CCSER2: variants seen among roughly 807,000 people sequenced by gnomAD.
The protein encoded by CCSER2 is coiled-coil serine rich protein 2, also known as serine-rich coiled-coil domain-containing protein 2.
Under a neutral mutation model 92.3 loss-of-function variants are expected in CCSER2, and 46 were observed. The ratio of observed to expected loss-of-function variants is 0.50; its 90% CI spans 0.39 to 0.64. CCSER2 has a LOEUF of 0.64. Among genes scored for constraint, CCSER2 ranks in the 30% least tolerant of loss-of-function variants. The pLI, the probability that CCSER2 is intolerant of heterozygous loss-of-function variation, is 0.00. For missense variants in CCSER2, 1,244 were observed against 1,238.9 expected, an observed-to-expected ratio of 1.00 and a Z score of -0.06; for synonymous variants, 433 against 431.4, an observed-to-expected ratio of 1.00 and a Z score of -0.04.
Position 84,379,607 on chromosome 10 carries a change from TTAG to T in CCSER2, c.1614+5794_1614+5796del, listed in dbSNP as rs1374174631. On this transcript the variant is annotated intron_variant, in intron 3 of 9. Transcript: ENST00000372088. ...AACACCCTAGTAGTAAATATAGCAG[TTAG>T]TTCTTTTTATGTGCGTTGTTTTAAA... Among the ~76,000 whole-genome samples, 6 of 40,024 alleles carry T rather than the reference TTAG, an allele frequency of 1.5e-4. No homozygotes were observed. The East Asian group carries it at 3.2e-3, about 21-fold the overall frequency. The allele number at this position is 40,024 out of a possible 152,430, so 26.3% of individuals were successfully genotyped here. A position where few individuals can be genotyped will look rare whatever the true frequency, so the allele number is the denominator to read the frequency against.
chr10:84,497,955 A>G (rs1475968324), intron 9 of CCSER2, among the ~76,000 whole-genome samples: 1 of 152,244 alleles, frequency 6.6e-6, no homozygotes, highest in Non-Finnish European at 1.5e-5. Flanking sequence ...CAGCCTCTGC[A>G]TCTGACAAAT....
At chr10:84,409,906 C>T (rs1290730371) in intron 3 of CCSER2, among the ~76,000 whole-genome samples, 3 of 152,080 alleles carry the variant, frequency 2.0e-5, no homozygotes, top group African/African-American at 7.2e-5. Context: ...CTGATCCAAT[C>T]CCTCCTCCCA....
intron 5 of CCSER2, among the ~76,000 whole-genome samples, chr10:84,436,149 A>C (rs937709978): frequency 1.3e-5 from 2 of 149,226 alleles, no homozygotes; most frequent in Non-Finnish European, 3.0e-5. Flanking sequence ...GAATGGTGAA[A>C]CCCCCGTCTC....
intron 9 of CCSER2, among the ~76,000 whole-genome samples, chr10:84,487,486 ATTTT>A (rs1847879849): frequency 6.6e-6 from 1 of 151,970 alleles, no homozygotes; most frequent in Non-Finnish European, 1.5e-5. Flanking sequence ...ATTCCTATGT[ATTTT>A]ATTCTCTTTG....
chr10:84,333,758 C>A (rs1843694274), intron 1 of CCSER2, among the ~76,000 whole-genome samples: 1 of 152,176 alleles, frequency 6.6e-6, no homozygotes, highest in Non-Finnish European at 1.5e-5. Context: ...GAATTAGTAA[C>A]TGATACACAA....
intron 6 of CCSER2, among the ~76,000 whole-genome samples, chr10:84,455,021 T>G (rs887248123): frequency 3.3e-5 from 5 of 152,196 alleles, no homozygotes; most frequent in Admixed American, 6.5e-5. Flanking sequence ...GATGGTTTTA[T>G]GAGGGGCAGT....
chr10:84,457,395 TTAAA>T (rs1185666667), intron 6 of CCSER2, among the ~76,000 whole-genome samples: 1 of 92,910 alleles, frequency 1.1e-5, no homozygotes, highest in Non-Finnish European at 1.9e-5. Flanking sequence ...ATATATTTAT[TTAAA>T]TATATATTTT....
At chr10:84,510,427 A>G (rs775796272) in intron 9 of CCSER2, among the ~76,000 whole-genome samples, 5 of 152,078 alleles carry the variant, frequency 3.3e-5, no homozygotes, top group Non-Finnish European at 5.9e-5. Context: ...TGTCTCCCTC[A>G]CTAAGCTCCT....
intron 9 of CCSER2, among the ~76,000 whole-genome samples, chr10:84,481,155 A>G (rs1418368954): frequency 6.6e-6 from 1 of 152,092 alleles, no homozygotes; most frequent in African/African-American, 2.4e-5. Context: ...TCCCTCCACA[A>G]ACGAGGAAAT....
intron 3 of CCSER2, among the ~76,000 whole-genome samples, chr10:84,383,043 T>A (rs1840999398): frequency 6.6e-6 from 1 of 152,246 alleles, no homozygotes; most frequent in Admixed American, 6.5e-5. Context: ...GTCTGCTGAA[T>A]GTCATAATAT....
At chr10:84,450,999 G>C (rs1358975292) in intron 6 of CCSER2, among the ~76,000 whole-genome samples, 1 of 152,074 alleles carries the variant, frequency 6.6e-6, no homozygotes, top group African/African-American at 2.4e-5. Flanking sequence ...ATTTAATACA[G>C]TTTCAGCCAA....
chr10:84,371,813 A>G lies in CCSER2; in HGVS notation c.761A>G (p.Tyr254Cys). 6.2e-7 allele frequency: 1 copy of G among 1,613,954 alleles called. No individual in the cohort carries two copies. The highest frequency in any genetic ancestry group is 8.5e-7 in the Non-Finnish European group (1 of 1,179,886). The change falls in exon 2 of 10, where the codon TAT becomes TGT. Residue 254 changes from tyrosine to cysteine, a missense_variant. Physicochemically the swap from Tyr to Cys is radical, Grantham distance 194 (BLOSUM62 -2). Transcript: ENST00000372088. ...AGAGCTGTGGATCTTACAAAGCCTTATCAGAACCAACAGCTATCCATTAGA... is the reference window on the plus strand; with the variant it reads ...AGAGCTGTGGATCTTACAAAGCCTTGTCAGAACCAACAGCTATCCATTAGA... ...FNRAVDLTKPYQNQQLSIRVP... is the reference protein window; with the variant it reads ...FNRAVDLTKPCQNQQLSIRVP...
At chr10:84,478,584 C>CAT (rs1831260444) in intron 9 of CCSER2, among the ~76,000 whole-genome samples, 2 of 152,180 alleles carry the variant, frequency 1.3e-5, no homozygotes, top group South Asian at 2.1e-4. Flanking sequence ...GTATAAGATA[C>CAT]AATGGTAGGA....
intron 6 of CCSER2, among the ~76,000 whole-genome samples, chr10:84,456,688 T>G (rs1354919790): frequency 6.6e-6 from 1 of 152,178 alleles, no homozygotes; most frequent in Non-Finnish European, 1.5e-5. Context: ...ACTATATCAT[T>G]TTGTATTGCC....
intron 9 of CCSER2, among the ~76,000 whole-genome samples, chr10:84,480,706 G>C (rs1271914816): frequency 1.3e-5 from 2 of 152,078 alleles, no homozygotes; most frequent in Non-Finnish European, 2.9e-5. Flanking sequence ...AAAATTTAAA[G>C]TACTTAAATC....
chr10:84,370,170 G>A (rs925853418), intron 1 of CCSER2, among the ~76,000 whole-genome samples: 4 of 152,102 alleles, frequency 2.6e-5, no homozygotes, highest in African/African-American at 9.7e-5. Flanking sequence ...TGGGAAAAAT[G>A]ATGTTGGTAT....
chr10:84,371,748 C>T lies in CCSER2; in HGVS notation c.696C>T (p.Phe232=). The change falls in exon 2 of 10, where the codon TTC becomes TTT. Residue 232 remains phenylalanine (F), a synonymous_variant. Coordinates refer to ENST00000372088, the MANE Select transcript of CCSER2 (RefSeq NM_001284240.2). The part of the protein sequence containing the change: ...QSFSHSIQNS[F]LPPSSITRSH... ...TTTCACATTCCATTCAGAATTCATT[C>T]CTTCCACCTTCATCTATAACCAGAT... 1 of 1,613,348 alleles carries T rather than the reference C, an allele frequency of 6.2e-7. No homozygotes were observed. The highest frequency in any genetic ancestry group is 1.1e-5 in the South Asian group (1 of 91,050).
intron 3 of CCSER2, chr10:84,391,900 A>C (rs1363560511): frequency 7.3e-7 from 1 of 1,361,620 alleles, no homozygotes; most frequent in Admixed American, 1.7e-5. Context: ...TGCATCATGG[A>C]TTAACCCAAA....
At chr10:84,456,046 C>G in intron 6 of CCSER2, 1 of 460,786 alleles carries the variant, frequency 2.2e-6, no homozygotes, top group Non-Finnish European at 4.2e-6. Flanking sequence ...TGTAGCTCTT[C>G]CAAAGCCTAG....
Sources: allele counts gnomAD v4.1 joint callset (sites outside exome capture counted in the v4.1 genomes callset), GRCh38; gene constraint gnomAD v4.1.1; transcripts MANE v1.5; gene names NCBI Gene and HGNC (gene_info 2026-07-23, HGNC 2026-07-21).